ST6GALNAC3: variants seen among roughly 807,000 people sequenced by gnomAD.
The protein encoded by ST6GALNAC3 is ST6 N-acetylgalactosaminide alpha-2,6-sialyltransferase 3.
In ST6GALNAC3, 25 loss-of-function variants were observed where a neutral mutation model predicts 32.7. The observed-to-expected ratio is 0.76, with a 90% CI of 0.56 to 1.07. ST6GALNAC3 has a LOEUF of 1.07. Ranked by LOEUF, ST6GALNAC3 falls within the 50% of genes least tolerant of loss-of-function variation. The probability of loss-of-function intolerance (pLI) is 0.00; values close to 1 mark genes in which losing one functional copy is unlikely to be tolerated. For missense variants in ST6GALNAC3, 355 were observed against 382.4 expected, an observed-to-expected ratio of 0.93 and a Z score of 0.60; for synonymous variants, 129 against 133.1, an observed-to-expected ratio of 0.97 and a Z score of 0.21.
At chr1:76,482,676 C>G (rs1659801455) in intron 3 of ST6GALNAC3, among the ~76,000 whole-genome samples, 1 of 152,090 alleles carries the variant, frequency 6.6e-6, no homozygotes, top group Admixed American at 6.6e-5. Context: ...ACCCAGACTC[C>G]CAAGCCTCTG....
At chr1:76,484,375 G>T (rs538814372) in intron 3 of ST6GALNAC3, among the ~76,000 whole-genome samples, 2 of 152,126 alleles carry the variant, frequency 1.3e-5, no homozygotes, top group Non-Finnish European at 2.9e-5. Flanking sequence ...TCTTCCATTT[G>T]TTTGTGTCCT....
rs115181429 is a variant in ST6GALNAC3, at chr1:76,352,308, G to A, written c.213+38309G>A. 3.1e-3 allele frequency among the ~76,000 whole-genome samples: 466 copies of A among 150,988 alleles called. 3 individuals carry two copies. Among genetic ancestry groups the A allele is most frequent in the African/African-American group, 0.01 (428 of 41,254 alleles). On this transcript the variant is annotated intron_variant, in intron 2 of 4. Transcript: ENST00000328299. ...GTCAACATTGTCAACACATTGTTCT[G>A]TGTTTTTGGCTGACTCTGCTTTTCA...
chr1:76,097,348 G>C (rs1320175338), intron 1 of ST6GALNAC3, among the ~76,000 whole-genome samples: 1 of 152,054 alleles, frequency 6.6e-6, no homozygotes, highest in Admixed American at 6.6e-5. Flanking sequence ...TTAAATCATG[G>C]GGGTGGTTAC....
intron 3 of ST6GALNAC3, among the ~76,000 whole-genome samples, chr1:76,417,955 A>G (rs951198983): frequency 6.6e-6 from 1 of 152,208 alleles, no homozygotes; most frequent in Non-Finnish European, 1.5e-5. Context: ...AACAATGCAC[A>G]TAAATCAATT....
chr1:76,539,683 G>A (rs178355), intron 3 of ST6GALNAC3, among the ~76,000 whole-genome samples: 127,506 of 151,806 alleles, frequency 0.84, 54,474 homozygotes, highest in East Asian at 0.99. Flanking sequence ...AAACCCCATC[G>A]AAAAGTGGGC....
In ST6GALNAC3 at chr1:76,633,480, C is replaced by G. The variant is rs978690464; in HGVS notation, c.*4674C>G. On this transcript the variant is annotated 3_prime_UTR_variant, in exon 5 of 5. Transcript: ENST00000328299. ...AAAATTCTAGGACTTGTTTAAAGAA[C>G]TTAAAGGTCAGTTTCTTAGTTTCTC... 2 of 152,166 alleles carry G rather than the reference C, an allele frequency of 1.3e-5. No homozygotes were observed. Among genetic ancestry groups the G allele is most frequent in the Non-Finnish European group, 1.5e-5 (1 of 68,016 alleles). 9.4% of individuals were successfully genotyped at this position (152,166 alleles called of 1,614,324 possible). A position where few individuals can be genotyped will look rare whatever the true frequency, so the allele number is the denominator to read the frequency against.
rs1649430114 is a variant in ST6GALNAC3, at chr1:76,634,133, T to A, written c.*5327T>A. The A allele has an allele frequency of 1.0e-6, 1 of 984,856 alleles. No homozygotes were observed. Among genetic ancestry groups the A allele is most frequent in the Admixed American group, 6.2e-5 (1 of 16,250 alleles). 61.0% of individuals were successfully genotyped at this position (984,856 alleles called of 1,614,324 possible). A position where few individuals can be genotyped will look rare whatever the true frequency, so the allele number is the denominator to read the frequency against. On this transcript the variant is annotated 3_prime_UTR_variant, in exon 5 of 5. Transcript: ENST00000328299. ...AACCTCTTCTTTCTCCACAGATACA[T>A]CTCTTTTTGTTCACGCCTTGAAGAC...
intron 1 of ST6GALNAC3, among the ~76,000 whole-genome samples, chr1:76,075,222 G>A (rs1646797789): frequency 6.6e-6 from 1 of 152,192 alleles, no homozygotes; most frequent in African/African-American, 2.4e-5. Flanking sequence ...TGGAGCCTGA[G>A]GCCTTTCAGG....
intron 2 of ST6GALNAC3, among the ~76,000 whole-genome samples, chr1:76,374,372 G>A (rs1358374719): frequency 6.6e-6 from 1 of 152,188 alleles, no homozygotes; most frequent in East Asian, 1.9e-4. Flanking sequence ...GCCCCATAGA[G>A]TAATAATGGT....
intron 3 of ST6GALNAC3, among the ~76,000 whole-genome samples, chr1:76,617,234 G>T (rs1213592135): frequency 6.6e-6 from 1 of 152,154 alleles, no homozygotes; most frequent in Non-Finnish European, 1.5e-5. Context: ...GAAAAGCTTG[G>T]TTTAATTCAA....
At chr1:76,108,509 C>T (rs148341867) in intron 1 of ST6GALNAC3, among the ~76,000 whole-genome samples, 126 of 152,306 alleles carry the variant, frequency 8.3e-4, no homozygotes, top group Admixed American at 1.7e-3. Flanking sequence ...GATAGAAACT[C>T]AGCTCAGATT....
In ST6GALNAC3 at chr1:76,417,613, G is replaced by A. The variant is rs916969320; in HGVS notation, c.623+5196G>A. Among the ~76,000 whole-genome samples, 5 of 152,170 alleles carry A rather than the reference G, an allele frequency of 3.3e-5. No homozygotes were observed. The East Asian group carries it at 9.6e-4, about 29-fold the overall frequency. On this transcript the variant is annotated intron_variant, in intron 3 of 4. Coordinates refer to ENST00000328299, the MANE Select transcript of ST6GALNAC3 (RefSeq NM_152996.4). ...TCTAGAGAAGCAGTTGAGAGCCAAT[G>A]TGAGATATTCTGCTTTCCTATGGGT...
chr1:76,427,067 A>G (rs916261507), intron 3 of ST6GALNAC3, among the ~76,000 whole-genome samples: 1 of 152,102 alleles, frequency 6.6e-6, no homozygotes, highest in East Asian at 1.9e-4. Flanking sequence ...ATAGCTCAAG[A>G]ATCTCTGTTG....
Position 76,268,322 on chromosome 1 carries a change from T to C in ST6GALNAC3, c.19-45483T>C, listed in dbSNP as rs146823163. Among the ~76,000 whole-genome samples, 305 of 152,326 alleles carry C rather than the reference T, an allele frequency of 2.0e-3. 3 individuals carry two copies. The highest frequency in any genetic ancestry group is 6.6e-3 in the African/African-American group (276 of 41,566). On this transcript the variant is annotated intron_variant, in intron 1 of 4. Transcript: ENST00000328299. ...ACATGCAGAAATAGAGGTGAGATTGTCCAGTAAGTAGTTGCCAGAATTTGT... is the reference window on the plus strand; with the variant it reads ...ACATGCAGAAATAGAGGTGAGATTGCCCAGTAAGTAGTTGCCAGAATTTGT...
At chr1:76,581,789 A>G (rs958277586) in intron 3 of ST6GALNAC3, among the ~76,000 whole-genome samples, 1 of 152,280 alleles carries the variant, frequency 6.6e-6, no homozygotes, top group South Asian at 2.1e-4. Context: ...TTGGGTAAGG[A>G]TCAATAATAT....
At chr1:76,249,749 C>T (rs1036252910) in intron 1 of ST6GALNAC3, among the ~76,000 whole-genome samples, 2 of 152,188 alleles carry the variant, frequency 1.3e-5, no homozygotes, top group African/African-American at 4.8e-5. Context: ...AACAATTTCT[C>T]GACAGCCTTG....
At chr1:76,353,268 G>A (rs1459282156) in intron 2 of ST6GALNAC3, among the ~76,000 whole-genome samples, 7 of 151,984 alleles carry the variant, frequency 4.6e-5, no homozygotes, top group Admixed American at 2.6e-4. Context: ...CTCCCTGTAC[G>A]TTCTTCGGGC....
intron 1 of ST6GALNAC3, among the ~76,000 whole-genome samples, chr1:76,149,691 A>T (rs558310480): frequency 0.012 from 1,861 of 152,024 alleles, 40 homozygotes; most frequent in African/African-American, 0.043. Flanking sequence ...GTGTATTTTT[A>T]TCACATTGTG....
At chr1:76,267,909 T>C (rs1658623653) in intron 1 of ST6GALNAC3, among the ~76,000 whole-genome samples, 1 of 152,204 alleles carries the variant, frequency 6.6e-6, no homozygotes, top group Non-Finnish European at 1.5e-5. Flanking sequence ...CTTTCTACCT[T>C]CTGCAGTATA....
Sources: gnomAD v4.1 joint callset for allele counts (sites outside exome capture counted in the v4.1 genomes callset) on GRCh38, gnomAD v4.1.1 for gene constraint, MANE v1.5 for transcripts, NCBI Gene and HGNC (gene_info 2026-07-23, HGNC 2026-07-21) for gene names.